Variants in WIPF3 observed in about 807,000 individuals in gnomAD.
WIPF3 encodes WAS/WASL interacting protein family member 3.
WIPF3 carries 33 observed loss-of-function variants against 38.9 expected under a neutral mutation model. The observed-to-expected ratio is 0.85, with a 90% CI of 0.64 to 1.14. The LOEUF (loss-of-function observed/expected upper bound fraction) is 1.14. WIPF3 is among the 50% of genes most tolerant of loss of function. WIPF3 has a pLI of 0.00. For synonymous variants in WIPF3, 324 were observed against 269.3 expected (o/e 1.20, Z -1.99); for missense variants, 711 against 652.5 (o/e 1.09, Z -0.98).
At chr7:29,809,161 C>G (rs1784333271) in intron 1 of WIPF3, among the ~76,000 whole-genome samples, 3 of 152,122 alleles carry the variant, frequency 2.0e-5, no homozygotes, top group Admixed American at 2.0e-4. Context: ...AGAACTTTGT[C>G]CTGATGTGTG....
At chr7:29,828,994 C>A (rs1013990519) in intron 1 of WIPF3, among the ~76,000 whole-genome samples, 12 of 152,186 alleles carry the variant, frequency 7.9e-5, no homozygotes, top group Non-Finnish European at 1.5e-5. Flanking sequence ...ACATGCAGAG[C>A]CTCCCAGGCT....
chr7:29,838,590 T>C (rs1409496776), intron 2 of WIPF3, among the ~76,000 whole-genome samples: 2 of 151,974 alleles, frequency 1.3e-5, no homozygotes, highest in Non-Finnish European at 2.9e-5. Flanking sequence ...AAGAAGAAAA[T>C]GACAAATGTT....
At position 29,884,001 on chromosome 7, in the gene WIPF3, C is replaced by A; in HGVS notation, c.507C>A (p.Pro169=). 6.6e-7 allele frequency: 1 copy of A among 1,525,152 alleles called. No individual in the cohort carries two copies. Among genetic ancestry groups the A allele is most frequent in the Non-Finnish European group, 8.8e-7 (1 of 1,134,838 alleles). 94.5% of individuals were successfully genotyped at this position (1,525,152 alleles called of 1,614,324 possible). Residue 169 remains proline, a synonymous_variant, in exon 5 of 9, where the codon CCC becomes CCA. Coordinates refer to ENST00000242140, the MANE Select transcript of WIPF3 (RefSeq NM_001080529.3). ...CTGCCAGGACAGCCCCGCCTCGCCCCAACGTGCCTGCCCCGCCCCCTCCCA... is the reference window on the plus strand; with the variant it reads ...CTGCCAGGACAGCCCCGCCTCGCCCAAACGTGCCTGCCCCGCCCCCTCCCA... ...HGAARTAPPR[P]NVPAPPPPTP... is the part of the protein sequence containing the mutation.
At chr7:29,862,467 G>A (rs779618982) in intron 2 of WIPF3, among the ~76,000 whole-genome samples, 1 of 152,186 alleles carries the variant, frequency 6.6e-6, no homozygotes, top group Non-Finnish European at 1.5e-5. Flanking sequence ...TTGGCCTGGG[G>A]ATATATTATC....
At chr7:29,904,538 C>A in intron 8 of WIPF3, 176 bp downstream of exon 8, 2 of 585,038 alleles carry the variant, frequency 3.4e-6, no homozygotes, top group Non-Finnish European at 2.9e-6. Flanking sequence ...CTCACCATTT[C>A]AAAATCTGAA....
chr7:29,913,560 TC>T (rs1427874059), intron 8 of WIPF3, among the ~76,000 whole-genome samples: 2 of 152,224 alleles, frequency 1.3e-5, no homozygotes, highest in Non-Finnish European at 2.9e-5. Flanking sequence ...ATAATCATGT[TC>T]CTTCATATTC....
intron 1 of WIPF3, among the ~76,000 whole-genome samples, chr7:29,808,217 G>C (rs755733489): frequency 1.4e-4 from 21 of 152,196 alleles, no homozygotes; most frequent in Non-Finnish European, 2.4e-4. Context: ...CACACAGATT[G>C]CTGCAGTTTT....
At chr7:29,898,625 T>C (rs1269808245) in intron 7 of WIPF3, among the ~76,000 whole-genome samples, 5 of 152,126 alleles carry the variant, frequency 3.3e-5, no homozygotes, top group African/African-American at 7.2e-5. Context: ...TCCTACCTCA[T>C]TGTGCTCTAA....
chr7:29,806,724 G>A (rs1784285566), intron 1 of WIPF3, 46 bp downstream of exon 1: 1 of 151,724 alleles, frequency 6.6e-6, no homozygotes, highest in African/African-American at 2.4e-5. Flanking sequence ...GAGGGTGGAA[G>A]GAACGGGCGG....
chr7:29,863,163 C>A (rs993227681), intron 2 of WIPF3, among the ~76,000 whole-genome samples: 2 of 152,142 alleles, frequency 1.3e-5, no homozygotes, highest in Non-Finnish European at 2.9e-5. Flanking sequence ...GTAACTACCA[C>A]CACCATCAGG....
intron 2 of WIPF3, among the ~76,000 whole-genome samples, chr7:29,857,145 A>T (rs1785198437): frequency 6.6e-6 from 1 of 152,150 alleles, no homozygotes; most frequent in Non-Finnish European, 1.5e-5. Flanking sequence ...AGCACAGAGC[A>T]GACAGTGCTG....
chr7:29,897,105 G>A (rs1786160647), intron 7 of WIPF3, among the ~76,000 whole-genome samples: 1 of 152,034 alleles, frequency 6.6e-6, no homozygotes, highest in Non-Finnish European at 1.5e-5. Context: ...TTTAAGCCTG[G>A]TTTATTTTAC....
Position 29,898,970 on chromosome 7 carries a change from C to A in WIPF3, c.1352-5316C>A, listed in dbSNP as rs540207476. Reference sequence around the variant, plus strand: ...ACAAAATACCATAGACTGGGTGGCACAAACAACAGAAATTTATTTTCTCAT... The same window carrying A: ...ACAAAATACCATAGACTGGGTGGCAAAAACAACAGAAATTTATTTTCTCAT... On this transcript the variant is annotated intron_variant, in intron 7 of 8. Transcript: ENST00000242140. 3.3e-5 allele frequency among the ~76,000 whole-genome samples: 5 copies of A among 152,268 alleles called. No homozygotes were observed. In the East Asian group the frequency reaches 9.6e-4, roughly 29 times the overall value.
At chr7:29,889,524 A>C in intron 7 of WIPF3, 117 bp downstream of exon 7, 1 of 758,220 alleles carries the variant, frequency 1.3e-6, no homozygotes, top group Admixed American at 2.2e-5. Context: ...TCACTGTACC[A>C]CTGCAAGGAT....
At chr7:29,833,391 G>A (rs1784752450) in intron 1 of WIPF3, among the ~76,000 whole-genome samples, 1 of 152,230 alleles carries the variant, frequency 6.6e-6, no homozygotes, top group Non-Finnish European at 1.5e-5. Flanking sequence ...TAGTATAGGT[G>A]ACTTTGAGCA....
chr7:29,854,938 G>A (rs117342446), intron 2 of WIPF3, among the ~76,000 whole-genome samples: 1 of 152,178 alleles, frequency 6.6e-6, no homozygotes, highest in Non-Finnish European at 1.5e-5. Flanking sequence ...CCAACACCTT[G>A]GTCTTGACCT....
intron 8 of WIPF3, among the ~76,000 whole-genome samples, chr7:29,914,282 A>G (rs1786561158): frequency 1.3e-5 from 2 of 152,170 alleles, no homozygotes; most frequent in Non-Finnish European, 2.9e-5. Context: ...GTCCTCACAT[A>G]CCATCAACTA....
intron 2 of WIPF3, among the ~76,000 whole-genome samples, chr7:29,871,007 A>G (rs1785486298): frequency 1.3e-5 from 2 of 152,026 alleles, no homozygotes; most frequent in South Asian, 2.1e-4. Flanking sequence ...TAGCAGGTGC[A>G]TTCTTTTTGA....
intron 1 of WIPF3, among the ~76,000 whole-genome samples, chr7:29,824,464 G>A (rs948505727): frequency 2.0e-5 from 3 of 151,954 alleles, no homozygotes; most frequent in Non-Finnish European, 4.4e-5. Context: ...CCTGAACACA[G>A]TTTTGCAGGT....
Sources: gnomAD v4.1 joint callset for allele counts (sites outside exome capture counted in the v4.1 genomes callset) on GRCh38, gnomAD v4.1.1 for gene constraint, MANE v1.5 for transcripts, NCBI Gene and HGNC (gene_info 2026-07-23, HGNC 2026-07-21) for gene names.